Variants in GATAD1 observed in about 807,000 individuals in gnomAD.
GATAD1 encodes the protein GATA zinc finger domain-containing protein 1.
GATAD1 carries 12 observed loss-of-function variants against 26.5 expected under a neutral mutation model. The observed-to-expected ratio is 0.45, with a 90% CI of 0.29 to 0.73. The LOEUF is 0.73. GATAD1 is among the 30% of genes least tolerant of loss of function. GATAD1 has a pLI of 0.10. For missense variants in GATAD1, 266 were observed against 342.1 expected (o/e 0.78, Z 1.75); for synonymous variants, 129 against 133.1 (o/e 0.97, Z 0.21).
intron 4 of GATAD1, among the ~76,000 whole-genome samples, chr7:92,455,800 T>G (rs1026369840): frequency 6.6e-6 from 1 of 152,220 alleles, no homozygotes; most frequent in African/African-American, 2.4e-5. Context: ...AATTTTTATT[T>G]ACCTTATCTA....
chr7:92,448,712 C>T, intron 1 of GATAD1, 40 bp from the exon 2 acceptor site: 1 of 1,564,468 alleles, frequency 6.4e-7, no homozygotes, highest in Non-Finnish European at 8.8e-7. Context: ...GCACTTTTTA[C>T]TTCTTTCTCT....
the GATAD1 span, chr7:92,494,573 G>C: frequency 6.2e-7 from 1 of 1,613,854 alleles, no homozygotes. Flanking sequence ...ACCCCGCCGA[G>C]GAGCAATGGA....
chr7:92,493,281 A>G, the GATAD1 span: 1 of 488,482 alleles, frequency 2.0e-6, no homozygotes, highest in Non-Finnish European at 3.5e-6. Flanking sequence ...CCTACTATTT[A>G]TCTTCCTTGG....
Position 92,456,642 on chromosome 7 carries a change from A to C in GATAD1, c.*80A>C. 1.3e-6 allele frequency: 1 copy of C among 798,328 alleles called. No homozygotes were observed. Among genetic ancestry groups the C allele is most frequent in the Non-Finnish European group, 2.0e-6 (1 of 498,988 alleles). 49.5% of individuals were successfully genotyped at this position (798,328 alleles called of 1,614,324 possible). ...CCCAGCTATTGCACCACTGCTCTCC[A>C]AGCTGGGCAATGGAGTCAGATTCTC... On this transcript the variant is annotated 3_prime_UTR_variant, in exon 5 of 5. Coordinates refer to ENST00000287957, the MANE Select transcript of GATAD1 (RefSeq NM_021167.5).
At chr7:92,463,543 A>G (rs1237621059), downstream of GATAD1, among the ~76,000 whole-genome samples, 1 of 152,018 alleles carries the variant, frequency 6.6e-6, no homozygotes, top group Non-Finnish European at 1.5e-5. Flanking sequence ...AGGCACCTGT[A>G]GTCCCAGCTA....
chr7:92,455,292 A>G (rs1383646994), intron 4 of GATAD1, among the ~76,000 whole-genome samples: 1 of 152,176 alleles, frequency 6.6e-6, no homozygotes. Context: ...ATTTTTTTGG[A>G]GTGACCCAGG....
chr7:92,481,193 A>G, the GATAD1 span, among the ~76,000 whole-genome samples: 1 of 152,160 alleles, frequency 6.6e-6, no homozygotes, highest in African/African-American at 2.4e-5. Context: ...AACAGAAAAG[A>G]AGGAAATATG....
chr7:92,480,433 G>C, the GATAD1 span, among the ~76,000 whole-genome samples: 6 of 152,220 alleles, frequency 3.9e-5, no homozygotes, highest in African/African-American at 1.4e-4. Context: ...AACAATCCCT[G>C]AGGGGTAGTA....
At chr7:92,448,157 ATTG>A (rs1206035363) in intron 1 of GATAD1, among the ~76,000 whole-genome samples, 179 bp downstream of exon 1, 3 of 152,222 alleles carry the variant, frequency 2.0e-5, no homozygotes, top group Non-Finnish European at 2.9e-5. Context: ...AGCACCTGTT[ATTG>A]TAAGAAATTC....
At position 92,459,938 on chromosome 7, in the gene GATAD1, A is replaced by G. The variant is rs1342800705; in HGVS notation, c.*3376A>G. ...TTTTAAATTCTATTGTGAATAGTCA[A>G]GTAAAATTTAGATTGTTACATTCTG... is the stretch of plus-strand genomic sequence containing the variant. On this transcript the variant is annotated 3_prime_UTR_variant, in exon 5 of 5. Coordinates refer to ENST00000287957, the MANE Select transcript of GATAD1 (RefSeq NM_021167.5). Among the ~76,000 whole-genome samples, 3 of 152,254 alleles carry G rather than the reference A, an allele frequency of 2.0e-5. No homozygotes were observed. The highest frequency in any genetic ancestry group is 4.8e-5 in the African/African-American group (2 of 41,474).
At chr7:92,475,867 A>T in the GATAD1 span, among the ~76,000 whole-genome samples, 10 of 152,364 alleles carry the variant, frequency 6.6e-5, no homozygotes, top group African/African-American at 1.9e-4. Flanking sequence ...GGGTGTAGCT[A>T]ACCTTTTGAA....
At chr7:92,491,771 T>C in the GATAD1 span, among the ~76,000 whole-genome samples, 2 of 152,200 alleles carry the variant, frequency 1.3e-5, no homozygotes, top group African/African-American at 2.4e-5. Context: ...CTGGGCTTTA[T>C]TTTTATGTCT....
chr7:92,476,929 GTAC>G, the GATAD1 span, among the ~76,000 whole-genome samples: 2 of 152,182 alleles, frequency 1.3e-5, no homozygotes. Context: ...TGAACCAATA[GTAC>G]CTAGGAGGCA....
the GATAD1 span, among the ~76,000 whole-genome samples, chr7:92,467,594 G>A: frequency 6.6e-6 from 1 of 152,182 alleles, no homozygotes; most frequent in Non-Finnish European, 1.5e-5. Flanking sequence ...CAGCCACTTT[G>A]GACTGATCAA....
chr7:92,460,294 TTGTC>T (rs1189614426), downstream of GATAD1, among the ~76,000 whole-genome samples: 26 of 152,362 alleles, frequency 1.7e-4, no homozygotes, highest in African/African-American at 4.8e-4. Context: ...TTTGTGGATT[TTGTC>T]TGGCTGCCCT....
the GATAD1 span, chr7:92,474,857 C>T: frequency 1.3e-5 from 2 of 152,080 alleles, no homozygotes; most frequent in African/African-American, 4.8e-5. Context: ...CTGGCTGGGC[C>T]GAATTCTCTT....
At chr7:92,468,880 G>A in the GATAD1 span, 1 of 764,312 alleles carries the variant, frequency 1.3e-6, no homozygotes, top group South Asian at 1.3e-5. Context: ...CCGGTCCAGG[G>A]GTCTGCGGTA....
the GATAD1 span, among the ~76,000 whole-genome samples, chr7:92,473,746 A>T: frequency 1.3e-5 from 2 of 152,094 alleles, no homozygotes; most frequent in South Asian, 2.1e-4. Flanking sequence ...TCTGGAGGAC[A>T]GTTGTCCGGG....
chr7:92,461,759 A>G (rs771458825), downstream of GATAD1, among the ~76,000 whole-genome samples: 1 of 152,218 alleles, frequency 6.6e-6, no homozygotes, highest in Admixed American at 6.5e-5. Flanking sequence ...GTGGGCCTCC[A>G]CAGGTTTGCT....
Sources: gnomAD v4.1 joint callset for allele counts (sites outside exome capture counted in the v4.1 genomes callset) on GRCh38, gnomAD v4.1.1 for gene constraint, MANE v1.5 for transcripts, NCBI Gene and HGNC (gene_info 2026-07-23, HGNC 2026-07-21) for gene names.